GULP1: variants seen among roughly 807,000 people sequenced by gnomAD.
GULP1 encodes PTB domain-containing engulfment adapter protein 1.
Under a neutral mutation model 40.9 loss-of-function variants are expected in GULP1, and 19 were observed. That is an observed-to-expected ratio of 0.46 (90% CI 0.32 to 0.68). The LOEUF (loss-of-function observed/expected upper bound fraction) is 0.68. Among genes scored for constraint, GULP1 ranks in the 30% least tolerant of loss-of-function variants. The probability of loss-of-function intolerance (pLI) is 0.03; values close to 1 mark genes in which losing one functional copy is unlikely to be tolerated. For missense variants in GULP1, 312 were observed against 362.2 expected (o/e 0.86, Z 1.12); for synonymous variants, 119 against 117.6 (o/e 1.01, Z -0.08).
chr2:188,380,008 T>C (rs1392771578), intron 1 of GULP1, among the ~76,000 whole-genome samples: 2 of 152,114 alleles, frequency 1.3e-5, no homozygotes, highest in Non-Finnish European at 2.9e-5. Context: ...TGCAAAGGAG[T>C]ATACAGACTT....
chr2:188,570,657 T>C (rs1698825186), intron 9 of GULP1, among the ~76,000 whole-genome samples: 1 of 152,178 alleles, frequency 6.6e-6, no homozygotes, highest in African/African-American at 2.4e-5. Context: ...GTCTGACTTG[T>C]CACAGTTTTG....
intron 1 of GULP1, among the ~76,000 whole-genome samples, chr2:188,302,460 A>G (rs1440651002): frequency 6.6e-6 from 1 of 152,206 alleles, no homozygotes; most frequent in East Asian, 1.9e-4. Context: ...AAGCAATTTC[A>G]GTGCCTGGTC....
chr2:188,375,025 G>A (rs570104179), intron 1 of GULP1, among the ~76,000 whole-genome samples: 1 of 152,204 alleles, frequency 6.6e-6, no homozygotes, highest in South Asian at 2.1e-4. Context: ...TGCTGAAGAA[G>A]GGCCTTCAGG....
At chr2:188,510,923 C>T (rs2064461658) in intron 4 of GULP1, among the ~76,000 whole-genome samples, 1 of 151,806 alleles carries the variant, frequency 6.6e-6, no homozygotes, top group Admixed American at 6.6e-5. Flanking sequence ...TTCTTGCTTA[C>T]TTTGCAGTTC....
At chr2:188,352,301 T>G (rs1393563657) in intron 1 of GULP1, among the ~76,000 whole-genome samples, 1 of 152,136 alleles carries the variant, frequency 6.6e-6, no homozygotes, top group African/African-American at 2.4e-5. Context: ...TTGAGTGAGA[T>G]GGAATTTCTT....
At chr2:188,460,226 G>C (rs2059588789) in intron 2 of GULP1, among the ~76,000 whole-genome samples, 1 of 152,058 alleles carries the variant, frequency 6.6e-6, no homozygotes, top group Admixed American at 6.6e-5. Flanking sequence ...TCTGTAGATT[G>C]CTTTAGGGTA....
At chr2:188,319,738 C>T (rs1456815652) in intron 1 of GULP1, among the ~76,000 whole-genome samples, 1 of 152,090 alleles carries the variant, frequency 6.6e-6, no homozygotes, top group African/African-American at 2.4e-5. Flanking sequence ...CAGCATGACC[C>T]CATATTGCAT....
chr2:188,502,310 A>G (rs1026501428), intron 4 of GULP1, among the ~76,000 whole-genome samples: 1 of 151,884 alleles, frequency 6.6e-6, no homozygotes, highest in African/African-American at 2.4e-5. Context: ...AGGAAATATT[A>G]TCTACATTTT....
At chr2:188,476,366 G>A (rs879382677) in intron 2 of GULP1, among the ~76,000 whole-genome samples, 12 of 152,104 alleles carry the variant, frequency 7.9e-5, no homozygotes, top group Non-Finnish European at 1.6e-4. Flanking sequence ...TAACAGCTGA[G>A]ACCTCTAGGC....
At chr2:188,516,418 T>A (rs2065178192) in intron 4 of GULP1, among the ~76,000 whole-genome samples, 1 of 152,186 alleles carries the variant, frequency 6.6e-6, no homozygotes, top group Non-Finnish European at 1.5e-5. Context: ...CTTTTGTGAT[T>A]TTTTTTCAAT....
chr2:188,392,108 G>C (rs1221739811), intron 2 of GULP1, among the ~76,000 whole-genome samples: 1 of 151,976 alleles, frequency 6.6e-6, no homozygotes, highest in African/African-American at 2.4e-5. Flanking sequence ...TTGGTATCAG[G>C]GTGATACTGG....
chr2:188,387,508 G>A (rs1257941982), intron 2 of GULP1, among the ~76,000 whole-genome samples: 2 of 152,132 alleles, frequency 1.3e-5, no homozygotes, highest in Non-Finnish European at 2.9e-5. Flanking sequence ...TAAGTAGGCT[G>A]TATTAAGTGA....
chr2:188,488,094 T>C (rs922563512), intron 4 of GULP1, among the ~76,000 whole-genome samples: 1 of 152,034 alleles, frequency 6.6e-6, no homozygotes, highest in African/African-American at 2.4e-5. Context: ...GTTGGACACT[T>C]ATGTTTCAAA....
intron 6 of GULP1, among the ~76,000 whole-genome samples, chr2:188,537,819 CTTTG>C (rs1689329616): frequency 6.6e-6 from 1 of 151,992 alleles, no homozygotes; most frequent in African/African-American, 2.4e-5. Flanking sequence ...TGCTCTGGGG[CTTTG>C]TTTGGTTGGT....
At chr2:188,511,770 T>C (rs948290970) in intron 4 of GULP1, among the ~76,000 whole-genome samples, 2 of 152,184 alleles carry the variant, frequency 1.3e-5, no homozygotes, top group Non-Finnish European at 2.9e-5. Flanking sequence ...ATAATTGTTA[T>C]AATAAAATGA....
At chr2:188,348,097 G>C (rs905182143) in intron 1 of GULP1, among the ~76,000 whole-genome samples, 1 of 152,126 alleles carries the variant, frequency 6.6e-6, no homozygotes, top group African/African-American at 2.4e-5. Flanking sequence ...TGAAACTTTT[G>C]AGAAACTCAT....
intron 2 of GULP1, among the ~76,000 whole-genome samples, chr2:188,424,708 T>C (rs2055923577): frequency 6.6e-6 from 1 of 151,958 alleles, no homozygotes; most frequent in African/African-American, 2.4e-5. Flanking sequence ...GTCTATAATT[T>C]TCACATTTTT....
chr2:188,434,620 G>GT (rs548069066), intron 2 of GULP1, among the ~76,000 whole-genome samples: 41 of 146,712 alleles, frequency 2.8e-4, no homozygotes, highest in Non-Finnish European at 5.3e-4. Context: ...TTATATTTTT[G>GT]TTTTTTTTAT....
At chr2:188,409,980 G>A (rs1468512848) in intron 2 of GULP1, among the ~76,000 whole-genome samples, 1 of 152,040 alleles carries the variant, frequency 6.6e-6, no homozygotes, top group Non-Finnish European at 1.5e-5. Flanking sequence ...GGATGGTTCT[G>A]GCATAAAAGA....
Sources: gnomAD v4.1 joint callset for allele counts (sites outside exome capture counted in the v4.1 genomes callset) on GRCh38, gnomAD v4.1.1 for gene constraint, MANE v1.5 for transcripts, NCBI Gene and HGNC (gene_info 2026-07-23, HGNC 2026-07-21) for gene names.